The following GMPR2 variants were observed in gnomAD, a reference collection of about 807,000 sequenced individuals.
GMPR2 encodes the protein guanosine monophosphate reductase 2, also known as GMP reductase 2.
A neutral mutation model predicts 38.5 loss-of-function variants in GMPR2; 32 were observed. The ratio of observed to expected loss-of-function variants is 0.83; its 90% CI spans 0.63 to 1.12. GMPR2 has a LOEUF of 1.12. Among genes scored for constraint, GMPR2 ranks in the 50% most tolerant of loss-of-function variants. The pLI, the probability that GMPR2 is intolerant of heterozygous loss-of-function variation, is 0.00. For synonymous variants in GMPR2, 154 were observed against 151.0 expected (o/e 1.02, Z -0.15); for missense variants, 396 against 432.1 (o/e 0.92, Z 0.74).
Position 24,236,157 on chromosome 14 carries a change from G to A in GMPR2, c.465+17G>A, listed in dbSNP as rs763516912. 1 of 1,600,970 alleles carries A rather than the reference G, an allele frequency of 6.2e-7. No individual in the cohort carries two copies. The highest frequency in any genetic ancestry group is 2.2e-5 in the East Asian group (1 of 44,796). On this transcript the variant is annotated intron_variant, in intron 5 of 9. Transcript: ENST00000399440. ...ACCATCATGGTATGTTTCTATTACA[G>A]TCGGTACCTTTTTATCTTTCCACTT... is the stretch of plus-strand genomic sequence containing the variant.
intron 7 of GMPR2, 62 bp from the exon 8 acceptor site, chr14:24,237,458 T>C (rs1361728075): frequency 7.6e-6 from 12 of 1,570,004 alleles, no homozygotes; most frequent in Non-Finnish European, 1.1e-5. Context: ...AGTTGGGCTG[T>C]TGGGACATCG....
At chr14:24,237,454 G>C in intron 7 of GMPR2, 66 bp from the exon 8 acceptor site, 1 of 1,556,828 alleles carries the variant, frequency 6.4e-7, no homozygotes, top group Non-Finnish European at 8.9e-7. Context: ...TTTGAGTTGG[G>C]CTGTTGGGAC....
intron 5 of GMPR2, among the ~76,000 whole-genome samples, chr14:24,236,414 CAT>C (rs1038038451): frequency 5.3e-5 from 8 of 152,164 alleles, no homozygotes; most frequent in Admixed American, 5.2e-4. Context: ...ACCTGTGGTA[CAT>C]AGACATCTGC....
At chr14:24,237,411 G>T (rs1482709904) in intron 7 of GMPR2, 60 bp downstream of exon 7, 1 of 1,480,084 alleles carries the variant, frequency 6.8e-7, no homozygotes, top group African/African-American at 1.4e-5. Context: ...GGAGGTGGCA[G>T]AGATGGATTA....
At position 24,238,229 on chromosome 14, in the gene GMPR2, C is replaced by T. The variant is rs2040440440; in HGVS notation, c.698-17C>T. 2 of 1,599,362 alleles carry T rather than the reference C, an allele frequency of 1.3e-6. No homozygotes were observed. The highest frequency in any genetic ancestry group is 2.7e-5 in the African/African-American group (2 of 74,668). On this transcript the variant is annotated splice_polypyrimidine_tract_variant and intron_variant, in intron 8 of 9. Coordinates refer to ENST00000399440, the MANE Select transcript of GMPR2 (RefSeq NM_001002002.3). ...TTGGCCAGATTAATCTCTTTCCCCC[C>T]TCCATGATGGTGGCAGGGGCAGGAG...
chr14:24,233,385 G>A lies in GMPR2; in HGVS notation c.87+45G>A, dbSNP rs2040154889. Reference sequence around the variant, plus strand: ...TGCTGTTTCTTGACCCCACGCTCCCGGTGGGCCACAACCAAGAAAGATGCC... The same window carrying A: ...TGCTGTTTCTTGACCCCACGCTCCCAGTGGGCCACAACCAAGAAAGATGCC... On this transcript the variant is annotated intron_variant, in intron 2 of 9. Transcript: ENST00000399440. 3.1e-6 allele frequency: 5 copies of A among 1,610,236 alleles called. No homozygotes were observed. The East Asian group carries it at 8.9e-5, about 29-fold the overall frequency.
rs1232435706 is a variant in GMPR2, at chr14:24,239,037, A to C, written c.*259A>C. 1 of 578,874 alleles carries C rather than the reference A, an allele frequency of 1.7e-6. No homozygotes were observed. The allele number at this position is 578,874 out of a possible 1,614,324, so 35.9% of individuals were successfully genotyped here. Reference sequence around the variant, plus strand: ...AAATCAAATGGGAATCTGGGGACCCAACACAACATCCTGAAGATTATTAAA... The same window carrying C: ...AAATCAAATGGGAATCTGGGGACCCCACACAACATCCTGAAGATTATTAAA... On this transcript the variant is annotated 3_prime_UTR_variant, in exon 10 of 10. Transcript: ENST00000399440.
In GMPR2 at chr14:24,238,407, T is replaced by C; in HGVS notation, c.857+2T>C. Reference sequence around the variant, plus strand: ...TGCTGGGGGCGTGGCTGAGTACAGGTATGTGTGGAGGCCCAGGAGCTTAGT... The same window carrying C: ...TGCTGGGGGCGTGGCTGAGTACAGGCATGTGTGGAGGCCCAGGAGCTTAGT... On this transcript the variant is annotated splice_donor_variant, in intron 9 of 9. Coordinates refer to ENST00000399440, the MANE Select transcript of GMPR2 (RefSeq NM_001002002.3). LOFTEE classifies it high-confidence loss of function. 6.2e-7 allele frequency: 1 copy of C among 1,613,428 alleles called. No individual in the cohort carries two copies. Among genetic ancestry groups the C allele is most frequent in the Admixed American group, 1.7e-5 (1 of 59,926 alleles).
At position 24,234,243 on chromosome 14, in the gene GMPR2, TAG is replaced by T. The variant is rs759979155; in HGVS notation, c.207+650_207+651del. The T allele has an allele frequency of 8.5e-6, 11 of 1,289,078 alleles. No individual in the cohort carries two copies. The Admixed American group carries it at 1.2e-4, about 13-fold the overall frequency. The allele number at this position is 1,289,078 out of a possible 1,614,324, so 79.9% of individuals were successfully genotyped here. A position where few individuals can be genotyped will look rare whatever the true frequency, so the allele number is the denominator to read the frequency against. ...GCCTCTATACTTGTTGCTGAGAAGG[TAG>T]AGAGTTATCTGGGCACTTTGAGAAC... On this transcript the variant is annotated intron_variant, in intron 3 of 9. Transcript: ENST00000399440.
In GMPR2 at chr14:24,237,575, A is replaced by C. The variant is rs1274161594; in HGVS notation, c.697+13A>C. Reference sequence around the variant, plus strand: ...GCCAAGGCTTTTGGTAAGGAGCTTGAGGGCACAGAAGGATGATTCTATACA... The same window carrying C: ...GCCAAGGCTTTTGGTAAGGAGCTTGCGGGCACAGAAGGATGATTCTATACA... On this transcript the variant is annotated intron_variant, in intron 8 of 9. Coordinates refer to ENST00000399440, the MANE Select transcript of GMPR2 (RefSeq NM_001002002.3). 3 of 1,610,636 alleles carry C rather than the reference A, an allele frequency of 1.9e-6. No homozygotes were observed. The highest frequency in any genetic ancestry group is 4.5e-5 in the East Asian group (2 of 44,890).
At position 24,238,785 on chromosome 14, in the gene GMPR2, G is replaced by C. The variant is rs754792072; in HGVS notation, c.*7G>C. Reference sequence around the variant, plus strand: ...CTTCAGTGAGGCGTGCTAGACCTGAGCAGTTCTACCCTCCCAAGGCACCAG... The same window carrying C: ...CTTCAGTGAGGCGTGCTAGACCTGACCAGTTCTACCCTCCCAAGGCACCAG... On this transcript the variant is annotated 3_prime_UTR_variant, in exon 10 of 10. Transcript: ENST00000399440. 6.2e-7 allele frequency: 1 copy of C among 1,609,906 alleles called. No homozygotes were observed. The highest frequency in any genetic ancestry group is 1.7e-5 in the Admixed American group (1 of 60,004).
intron 6 of GMPR2, 45 bp from the exon 7 acceptor site, chr14:24,237,200 C>T: frequency 1.3e-6 from 2 of 1,543,206 alleles, no homozygotes; most frequent in Non-Finnish European, 1.8e-6. Context: ...CAGTGGCAAA[C>T]ACCTGTGGAG....
chr14:24,237,550 G>T lies in GMPR2; in HGVS notation c.685G>T (p.Ala229Ser). 1 of 1,613,952 alleles carries T rather than the reference G, an allele frequency of 6.2e-7. No individual in the cohort carries two copies. The highest frequency in any genetic ancestry group is 8.5e-7 in the Non-Finnish European group (1 of 1,179,868). ...AGGTTGCAGCTGTCCTGGGGATGTG[G>T]CCAAGGCTTTTGGTAAGGAGCTTGA... ...DGGCSCPGDV[A>S]KAFGAGADFV... is the part of the protein sequence containing the mutation. The change falls in exon 8 of 10, where the codon GCC (alanine) becomes TCC (serine). Residue 229 changes from alanine (A) to serine (S), a missense_variant. By Grantham distance (99) the Ala-to-Ser change is moderately conservative. Transcript: ENST00000399440.
chr14:24,234,097 CTTCT>C (rs754744472), intron 3 of GMPR2: 14 of 1,288,588 alleles, frequency 1.1e-5, no homozygotes, highest in African/African-American at 3.0e-5. Context: ...TAATCTTCCT[CTTCT>C]TTAAGTCCTA....
chr14:24,233,202 GACTT>G lies in GMPR2; in HGVS notation c.-35-16_-35-13del. 1 of 1,613,038 alleles carries G rather than the reference GACTT, an allele frequency of 6.2e-7. No homozygotes were observed. The highest frequency in any genetic ancestry group is 8.5e-7 in the Non-Finnish European group (1 of 1,180,014). On this transcript the variant is annotated splice_polypyrimidine_tract_variant and intron_variant, in intron 1 of 9. Transcript: ENST00000399440. ...AGCCCAGGGGAAGATTGGTCCTTAT[GACTT>G]CCTGCCTTCCAGCCCTCAGATTCAT...
chr14:24,233,671 C>T, intron 3 of GMPR2, 73 bp downstream of exon 3: 1 of 1,507,098 alleles, frequency 6.6e-7, no homozygotes, highest in Non-Finnish European at 9.2e-7. Context: ...GTTTGCATCC[C>T]CACCCCCATG....
At chr14:24,236,389 C>CT (rs2040346119) in intron 5 of GMPR2, among the ~76,000 whole-genome samples, 2 of 152,234 alleles carry the variant, frequency 1.3e-5, no homozygotes, top group Admixed American at 1.3e-4. Flanking sequence ...GATGGAACAT[C>CT]TGTGCACTGT....
chr14:24,238,787 A>G lies in GMPR2; in HGVS notation c.*9A>G. On this transcript the variant is annotated 3_prime_UTR_variant, in exon 10 of 10. Transcript: ENST00000399440. ...TCAGTGAGGCGTGCTAGACCTGAGC[A>G]GTTCTACCCTCCCAAGGCACCAGTA... The G allele has an allele frequency of 1.2e-6, 2 of 1,609,260 alleles. No individual in the cohort carries two copies. Among genetic ancestry groups the G allele is most frequent in the Non-Finnish European group, 1.7e-6 (2 of 1,178,468 alleles).
At chr14:24,236,849 T>C (rs1353434930) in intron 5 of GMPR2, 6 of 496,288 alleles carry the variant, frequency 1.2e-5, no homozygotes, top group African/African-American at 3.8e-5. Flanking sequence ...AGTGGTGACA[T>C]TGGCCACTCA....
Sources: gnomAD v4.1 joint callset for allele counts (sites outside exome capture counted in the v4.1 genomes callset) on GRCh38, gnomAD v4.1.1 for gene constraint, MANE v1.5 for transcripts, NCBI Gene and HGNC (gene_info 2026-07-23, HGNC 2026-07-21) for gene names.